EDIL3: variants seen among roughly 807,000 people sequenced by gnomAD.
EDIL3 encodes the protein EGF-like repeat and discoidin I-like domain-containing protein 3.
EDIL3 carries 37 observed loss-of-function variants against 67.4 expected under a neutral mutation model. The observed-to-expected ratio is 0.55, with a 90% confidence interval of 0.42 to 0.72. The LOEUF (loss-of-function observed/expected upper bound fraction) is 0.72. Among genes scored for constraint, EDIL3 ranks in the 30% least tolerant of loss-of-function variants. The pLI, the probability that EDIL3 is intolerant of heterozygous loss-of-function variation, is 0.00. For synonymous variants in EDIL3, 195 were observed against 196.3 expected, an observed-to-expected ratio of 0.99 and a Z score of 0.05; for missense variants, 527 against 586.3, an observed-to-expected ratio of 0.90 and a Z score of 1.04.
At chr5:84,132,411 C>A (rs181773311) in intron 5 of EDIL3, among the ~76,000 whole-genome samples, 1 of 62,454 alleles carries the variant, frequency 1.6e-5, no homozygotes, top group Non-Finnish European at 2.8e-5. Context: ...TATATTTTAA[C>A]ATATATTATA....
At chr5:84,018,980 G>A (rs897715034) in intron 9 of EDIL3, among the ~76,000 whole-genome samples, 15 of 152,098 alleles carry the variant, frequency 9.9e-5, no homozygotes, top group African/African-American at 3.4e-4. Context: ...TGTGGAAGTC[G>A]GTGTGGCAAT....
chr5:84,094,614 CA>C (rs1188539577), intron 6 of EDIL3, among the ~76,000 whole-genome samples: 2 of 152,078 alleles, frequency 1.3e-5, no homozygotes, highest in Non-Finnish European at 2.9e-5. Flanking sequence ...TTTTTATACA[CA>C]TTACATACAG....
intron 4 of EDIL3, among the ~76,000 whole-genome samples, chr5:84,151,846 G>A (rs1345227280): frequency 6.6e-6 from 1 of 151,446 alleles, no homozygotes; most frequent in Non-Finnish European, 1.5e-5. Context: ...CTATTCAAGA[G>A]ATTGTAATTT....
intron 10 of EDIL3, among the ~76,000 whole-genome samples, chr5:83,947,373 G>GTC (rs1234710976): frequency 6.9e-6 from 1 of 144,472 alleles, no homozygotes; most frequent in Non-Finnish European, 1.5e-5. Context: ...CTGTGTCTGT[G>GTC]TGTGTGTGTG....
At chr5:84,174,530 G>A (rs1171844776) in intron 4 of EDIL3, among the ~76,000 whole-genome samples, 1 of 152,140 alleles carries the variant, frequency 6.6e-6, no homozygotes, top group Non-Finnish European at 1.5e-5. Flanking sequence ...TTCCAGCCTG[G>A]AGGCTGCAGC....
At chr5:84,144,464 G>A (rs1748257763) in intron 4 of EDIL3, among the ~76,000 whole-genome samples, 1 of 152,040 alleles carries the variant, frequency 6.6e-6, no homozygotes, top group African/African-American at 2.4e-5. Flanking sequence ...GCTATAACAG[G>A]AAAATGCACA....
At chr5:84,221,743 T>A (rs897790607) in intron 3 of EDIL3, among the ~76,000 whole-genome samples, 1 of 151,998 alleles carries the variant, frequency 6.6e-6, no homozygotes, top group Non-Finnish European at 1.5e-5. Flanking sequence ...TATTAGGTTT[T>A]AATATTTGAG....
intron 3 of EDIL3, among the ~76,000 whole-genome samples, chr5:84,182,164 C>A (rs369406894): frequency 2.6e-5 from 4 of 151,938 alleles, no homozygotes; most frequent in Non-Finnish European, 4.4e-5. Context: ...AGGTGGTGCA[C>A]GCCTGTAATC....
chr5:84,082,340 A>G (rs1746985973), intron 6 of EDIL3, among the ~76,000 whole-genome samples: 1 of 152,222 alleles, frequency 6.6e-6, no homozygotes, highest in African/African-American at 2.4e-5. Context: ...TGGGAAACAG[A>G]AAACTGTGAT....
At chr5:84,244,094 T>C (rs1244798000) in intron 2 of EDIL3, among the ~76,000 whole-genome samples, 1 of 152,216 alleles carries the variant, frequency 6.6e-6, no homozygotes, top group Non-Finnish European at 1.5e-5. Context: ...CTTTAAGCTC[T>C]TTAACAAAGA....
At chr5:83,987,649 A>C (rs1318515295) in intron 9 of EDIL3, among the ~76,000 whole-genome samples, 1 of 152,086 alleles carries the variant, frequency 6.6e-6, no homozygotes, top group African/African-American at 2.4e-5. Context: ...TTACAGCTTA[A>C]TCTTTTAAAT....
intron 4 of EDIL3, among the ~76,000 whole-genome samples, chr5:84,154,928 G>A (rs182195834): frequency 6.6e-6 from 1 of 152,118 alleles, no homozygotes; most frequent in African/African-American, 2.4e-5. Flanking sequence ...TTGAACTCCT[G>A]ACTTCAGGCA....
intron 6 of EDIL3, among the ~76,000 whole-genome samples, chr5:84,094,860 A>T (rs1399684996): frequency 2.0e-5 from 3 of 152,226 alleles, no homozygotes; most frequent in African/African-American, 7.2e-5. Flanking sequence ...AACAAAGAAA[A>T]ATCAAATAGC....
chr5:84,018,131 C>T (rs380039), intron 9 of EDIL3, among the ~76,000 whole-genome samples: 91,609 of 151,650 alleles, frequency 0.6, 28,942 homozygotes, highest in East Asian at 0.75. Context: ...TCTTCTTGTT[C>T]CGGGAACTCT....
intron 1 of EDIL3, among the ~76,000 whole-genome samples, chr5:84,346,111 C>T (rs1218139933): frequency 2.0e-5 from 3 of 149,806 alleles, no homozygotes; most frequent in Non-Finnish European, 4.4e-5. Flanking sequence ...ATCTCTATAT[C>T]AGGAGTCATC....
chr5:84,333,004 C>T (rs1746907324), intron 1 of EDIL3, among the ~76,000 whole-genome samples: 1 of 152,134 alleles, frequency 6.6e-6, no homozygotes, highest in South Asian at 2.1e-4. Flanking sequence ...TGCACTAACA[C>T]ATTCTATTTG....
At chr5:84,030,865 T>G (rs937044663) in intron 9 of EDIL3, among the ~76,000 whole-genome samples, 1 of 152,166 alleles carries the variant, frequency 6.6e-6, no homozygotes, top group African/African-American at 2.4e-5. Flanking sequence ...AGTCAGTCAT[T>G]GTACTAGTGT....
chr5:83,998,642 C>T (rs1745274990), intron 9 of EDIL3, among the ~76,000 whole-genome samples: 1 of 152,226 alleles, frequency 6.6e-6, no homozygotes, highest in African/African-American at 2.4e-5. Context: ...CCCAATTTCT[C>T]TAATTCCAGG....
chr5:84,066,317 C>G (rs908422185), intron 7 of EDIL3, 134 bp downstream of exon 7: 1 of 963,920 alleles, frequency 1.0e-6, no homozygotes, highest in African/African-American at 1.7e-5. Flanking sequence ...ATCACACTAG[C>G]CCAATTAAAA....
Sources: gnomAD v4.1 joint callset for allele counts (sites outside exome capture counted in the v4.1 genomes callset) on GRCh38, gnomAD v4.1.1 for gene constraint, MANE v1.5 for transcripts, NCBI Gene and HGNC (gene_info 2026-07-23, HGNC 2026-07-21) for gene names.